Variants in UNK observed in about 807,000 individuals in gnomAD.
UNK encodes the protein unk zinc finger.
In UNK, 32 loss-of-function variants were observed where a neutral mutation model predicts 97.6. The observed-to-expected ratio is 0.33, with a 90% CI of 0.25 to 0.44. The LOEUF is 0.44. Ranked by LOEUF, UNK falls within the 20% of genes least tolerant of loss-of-function variation. UNK has a pLI of 1.00. For synonymous variants in UNK, 441 were observed against 461.2 expected, an observed-to-expected ratio of 0.96 and a Z score of 0.56; for missense variants, 771 against 1,098.4, an observed-to-expected ratio of 0.70 and a Z score of 4.21.
In UNK at chr17:75,785,000, C is replaced by G. The variant is rs773616062; in HGVS notation, c.104+16C>G. 4.3e-6 allele frequency: 6 copies of G among 1,397,024 alleles called. No homozygotes were observed. The highest frequency in any genetic ancestry group is 2.8e-5 in the East Asian group (1 of 35,492). The allele number at this position is 1,397,024 out of a possible 1,614,324, so 86.5% of individuals were successfully genotyped here. ...AGCACTACACGTACGTAGAGCCCCC[C>G]CCCCCCCGCCGCGCGCGCACGCCTG... On this transcript the variant is annotated intron_variant, in intron 1 of 15. Transcript: ENST00000589666.
At chr17:75,792,559 CT>C in intron 1 of UNK, 1 of 864,012 alleles carries the variant, frequency 1.2e-6, no homozygotes, top group South Asian at 5.3e-5. Flanking sequence ...TTTAGGTTTA[CT>C]ATCCCTCTGG....
chr17:75,807,379 CAT>C (rs2061928245), intron 1 of UNK, among the ~76,000 whole-genome samples: 1 of 152,228 alleles, frequency 6.6e-6, no homozygotes, highest in Non-Finnish European at 1.5e-5. Context: ...GCCTGGGCAA[CAT>C]AACAAGACCC....
chr17:75,818,020 C>G lies in UNK; in HGVS notation c.1306-83C>G, dbSNP rs2062032479. 1 of 1,412,488 alleles carries G rather than the reference C, an allele frequency of 7.1e-7. No homozygotes were observed. The highest frequency in any genetic ancestry group is 1.7e-5 in the Admixed American group (1 of 57,778). 87.5% of individuals were successfully genotyped at this position (1,412,488 alleles called of 1,614,324 possible). On this transcript the variant is annotated intron_variant, in intron 9 of 15. Coordinates refer to ENST00000589666, the MANE Select transcript of UNK (RefSeq NM_001080419.3). This position sits in a 1 kb window ranked among gnomAD's most constrained non-coding sequence, Gnocchi z 5.1. ...TTGCATGTCTGCCACCACCTGCCCCCTGGTACCTGCAGCCTCAGGGTCAGA... is the reference window on the plus strand; with the variant it reads ...TTGCATGTCTGCCACCACCTGCCCCGTGGTACCTGCAGCCTCAGGGTCAGA...
Position 75,818,405 on chromosome 17 carries a change from C to T in UNK, c.1371+237C>T, listed in dbSNP as rs1217002310. 6.6e-6 allele frequency among the ~76,000 whole-genome samples: 1 copy of T among 152,168 alleles called. No homozygotes were observed. The highest frequency in any genetic ancestry group is 1.9e-4 in the East Asian group (1 of 5,186). On this transcript the variant is annotated intron_variant, in intron 10 of 15. Transcript: ENST00000589666. This position sits in a 1 kb window ranked among gnomAD's most constrained non-coding sequence, Gnocchi z 5.1. ...TCTGCACTCTGCCAGGCCCTGTACT[C>T]GCTTCTCTCTTCCCTGCTACAGGAC...
chr17:75,797,903 C>G (rs1162929435), intron 1 of UNK, among the ~76,000 whole-genome samples: 2 of 152,152 alleles, frequency 1.3e-5, no homozygotes, highest in African/African-American at 2.4e-5. Flanking sequence ...AGCGCCATCT[C>G]TTTCTGTTGG....
chr17:75,801,559 T>C lies in UNK; in HGVS notation c.105-8201T>C, dbSNP rs562819086. Reference sequence around the variant, plus strand: ...GAAATATTCCTTTAAAATTTATTTTTCCTTTTTTTTTTGAGATCACTCTGT... The same window carrying C: ...GAAATATTCCTTTAAAATTTATTTTCCCTTTTTTTTTTGAGATCACTCTGT... On this transcript the variant is annotated intron_variant, in intron 1 of 15. Transcript: ENST00000589666. Among the ~76,000 whole-genome samples the C allele has an allele frequency of 2.6e-5, 4 of 152,048 alleles. No individual in the cohort carries two copies. In the East Asian group the frequency reaches 7.7e-4, roughly 29 times the overall value.
At chr17:75,815,103 G>A in intron 6 of UNK, 66 bp from the exon 7 acceptor site, 1 of 1,474,418 alleles carries the variant, frequency 6.8e-7, no homozygotes, top group Non-Finnish European at 9.3e-7. Flanking sequence ...TCATGCTGGA[G>A]GAAGGGGAGC....
chr17:75,821,575 T>C lies in UNK; in HGVS notation c.1838-902T>C, dbSNP rs752602707. 34 of 456,362 alleles carry C rather than the reference T, an allele frequency of 7.5e-5. 2 individuals are homozygous for C. The highest frequency in any genetic ancestry group is 4.8e-4 in the South Asian group (31 of 64,538). 28.3% of individuals were successfully genotyped at this position (456,362 alleles called of 1,614,324 possible). The stretch of plus-strand genomic sequence containing the variant: ...GCCACAGGGTCTCCGCACAGGACCA[T>C]GTCCCTCCTCTGTGGGTGCACTTGT... On this transcript the variant is annotated intron_variant, in intron 13 of 15. Transcript: ENST00000589666.
At chr17:75,822,780 C>CA (rs1249924326) in intron 14 of UNK, 122 bp downstream of exon 14, 4 of 1,254,044 alleles carry the variant, frequency 3.2e-6, no homozygotes, top group Non-Finnish European at 4.2e-6. Context: ...AGCAGAAACT[C>CA]AGTTTTGTTC....
In UNK at chr17:75,791,967, T is replaced by C. The variant is rs114517392; in HGVS notation, c.104+6983T>C. On this transcript the variant is annotated intron_variant, in intron 1 of 15. Transcript: ENST00000589666. ...CCCAGATAAGTGCACAAAAGCAAGA[T>C]ACCCTCGTGGACCTACACGTCCTCC... 745 of 985,312 alleles carry C rather than the reference T, an allele frequency of 7.6e-4. No individual in the cohort carries two copies. The African/African-American group carries it at 0.012, about 16-fold the overall frequency. 61.0% of individuals were successfully genotyped at this position (985,312 alleles called of 1,614,324 possible). A position where few individuals can be genotyped will look rare whatever the true frequency, so the allele number is the denominator to read the frequency against.
chr17:75,785,186 GA>G, intron 1 of UNK: 1 of 513,736 alleles, frequency 1.9e-6, no homozygotes, highest in African/African-American at 2.0e-5. Context: ...TGTGGGGCGG[GA>G]AACTCGGTCC....
At chr17:75,800,167 C>CA (rs1247172684) in intron 1 of UNK, among the ~76,000 whole-genome samples, 1 of 152,106 alleles carries the variant, frequency 6.6e-6, no homozygotes, top group Non-Finnish European at 1.5e-5. Flanking sequence ...CTCCCAGGCT[C>CA]AAAGAATCCT....
At chr17:75,788,416 G>C (rs2061733151) in intron 1 of UNK, among the ~76,000 whole-genome samples, 1 of 152,130 alleles carries the variant, frequency 6.6e-6, no homozygotes, top group African/African-American at 2.4e-5. Context: ...CTAACCTCGT[G>C]ATCCGCCCAC....
chr17:75,791,437 G>A (rs1052345252), intron 1 of UNK, among the ~76,000 whole-genome samples: 12 of 152,282 alleles, frequency 7.9e-5, no homozygotes, highest in African/African-American at 2.2e-4. Flanking sequence ...CAATAAAATC[G>A]TGCATGCATT....
intron 1 of UNK, chr17:75,785,667 A>G (rs1385526529): frequency 6.6e-6 from 1 of 152,184 alleles, no homozygotes; most frequent in Non-Finnish European, 1.5e-5. Context: ...TACTGACACT[A>G]CAGGAGTCCA....
At chr17:75,820,538 C>T (rs1321175856) in intron 13 of UNK, among the ~76,000 whole-genome samples, 1 of 152,198 alleles carries the variant, frequency 6.6e-6, no homozygotes, top group Non-Finnish European at 1.5e-5. Context: ...AGAAGCCAGA[C>T]AGGTTAACCC....
intron 1 of UNK, among the ~76,000 whole-genome samples, chr17:75,806,607 A>G (rs1227530354): frequency 6.6e-6 from 1 of 151,960 alleles, no homozygotes; most frequent in Non-Finnish European, 1.5e-5. Context: ...CCCTGTCTTT[A>G]CTAAAAATAG....
Position 75,816,483 on chromosome 17 carries a change from T to G in UNK, c.962-287T>G, listed in dbSNP as rs973009570. Among the ~76,000 whole-genome samples, 1 of 152,212 alleles carries G rather than the reference T, an allele frequency of 6.6e-6. No individual in the cohort carries two copies. Among genetic ancestry groups the G allele is most frequent in the Non-Finnish European group, 1.5e-5 (1 of 68,042 alleles). On this transcript the variant is annotated intron_variant, in intron 7 of 15. Coordinates refer to ENST00000589666, the MANE Select transcript of UNK (RefSeq NM_001080419.3). This position sits in a 1 kb window ranked among gnomAD's most constrained non-coding sequence, Gnocchi z 4.0. Reference sequence around the variant, plus strand: ...CTCCTCTGTGTTTTAGCTCTGTCACTTTGGTGGGTTTACCTTACCTCTCTG... The same window carrying G: ...CTCCTCTGTGTTTTAGCTCTGTCACGTTGGTGGGTTTACCTTACCTCTCTG...
chr17:75,811,941 G>A (rs1353576143), intron 2 of UNK, among the ~76,000 whole-genome samples, 171 bp from the exon 3 acceptor site: 2 of 152,136 alleles, frequency 1.3e-5, no homozygotes, highest in African/African-American at 2.4e-5. Flanking sequence ...AGCCAAGATC[G>A]CGCCGCTGCA....
Sources: allele counts gnomAD v4.1 joint callset (sites outside exome capture counted in the v4.1 genomes callset), GRCh38; gene constraint gnomAD v4.1.1; non-coding constraint Gnocchi (gnomAD v3.1); transcripts MANE v1.5; gene names NCBI Gene and HGNC (gene_info 2026-07-23, HGNC 2026-07-21).